The following KCNN2 variants were observed in gnomAD, a reference collection of about 807,000 sequenced individuals.
The protein encoded by KCNN2 is small conductance calcium-activated potassium channel protein 2.
KCNN2 carries 24 observed loss-of-function variants against 55.5 expected under a neutral mutation model. The ratio of observed to expected loss-of-function variants is 0.43; its 90% CI spans 0.31 to 0.61. The LOEUF (loss-of-function observed/expected upper bound fraction) is 0.61, where lower values mean the gene tolerates loss of function less well. Among genes scored for constraint, KCNN2 ranks in the 20% least tolerant of loss-of-function variants. The pLI, the probability that KCNN2 is intolerant of heterozygous loss-of-function variation, is 0.08. For synonymous variants in KCNN2, 431 were observed against 336.1 expected (o/e 1.28, Z -3.09); for missense variants, 754 against 853.6 (o/e 0.88, Z 1.45).
At chr5:114,348,352 G>T (rs1040993265) in intron 2 of KCNN2, among the ~76,000 whole-genome samples, 1 of 151,840 alleles carries the variant, frequency 6.6e-6, no homozygotes, top group Non-Finnish European at 1.5e-5. Context: ...CAGCACACCA[G>T]CATGGCACAT....
chr5:114,343,285 T>G (rs1321965928), intron 2 of KCNN2, among the ~76,000 whole-genome samples: 1 of 152,196 alleles, frequency 6.6e-6, no homozygotes, highest in Non-Finnish European at 1.5e-5. Flanking sequence ...GGTTAAATTA[T>G]GGAAAGATGG....
intron 2 of KCNN2, among the ~76,000 whole-genome samples, chr5:114,226,928 T>C (rs1283116248): frequency 6.6e-6 from 1 of 151,198 alleles, no homozygotes; most frequent in Non-Finnish European, 1.5e-5. Flanking sequence ...AAAAGAAATA[T>C]TGATAGGTCA....
At chr5:114,444,060 C>T (rs1760311599) in intron 3 of KCNN2, among the ~76,000 whole-genome samples, 2 of 152,162 alleles carry the variant, frequency 1.3e-5, no homozygotes, top group South Asian at 4.1e-4. Flanking sequence ...AAGAGGTAGA[C>T]TGGTAAGATG....
chr5:114,473,480 T>C (rs760287356), intron 5 of KCNN2, among the ~76,000 whole-genome samples: 36 of 152,160 alleles, frequency 2.4e-4, no homozygotes, highest in Non-Finnish European at 4.4e-4. Flanking sequence ...ATACTATTAA[T>C]GTAAAATAGT....
At chr5:114,480,630 A>C (rs940273026) in intron 5 of KCNN2, among the ~76,000 whole-genome samples, 7 of 152,188 alleles carry the variant, frequency 4.6e-5, no homozygotes, top group Non-Finnish European at 7.3e-5. Context: ...AAATACTGGC[A>C]AACTAAATTC....
rs551665766 is a variant in KCNN2, at chr5:114,433,360, G to A, written c.1637+28504G>A. On this transcript the variant is annotated intron_variant, in intron 3 of 7. Transcript: ENST00000673685. ...TGGACACTCTGTATCTGTCTAATCT[G>A]GTGGGGACGTGGAGAACCTTTGTGT... 3.8e-3 allele frequency among the ~76,000 whole-genome samples: 572 copies of A among 152,266 alleles called. 3 individuals are homozygous for A. The highest frequency in any genetic ancestry group is 0.013 in the African/African-American group (559 of 41,562).
chr5:114,391,415 C>G (rs337695), intron 2 of KCNN2, among the ~76,000 whole-genome samples: 76,705 of 151,832 alleles, frequency 0.51, 20,517 homozygotes, highest in African/African-American at 0.68. Flanking sequence ...CTGAAGTTTA[C>G]ATAGATTAAA....
intron 3 of KCNN2, among the ~76,000 whole-genome samples, chr5:114,415,329 A>G (rs1037840969): frequency 6.6e-6 from 1 of 152,208 alleles, no homozygotes; most frequent in African/African-American, 2.4e-5. Flanking sequence ...TTAGGTAGCC[A>G]TCTAAGAGTA....
At chr5:114,398,108 G>GTA (rs1758674409) in intron 2 of KCNN2, among the ~76,000 whole-genome samples, 2 of 151,960 alleles carry the variant, frequency 1.3e-5, no homozygotes, top group African/African-American at 4.8e-5. Context: ...TTTCTAGGTC[G>GTA]TATGTCCAGA....
chr5:114,408,726 A>G (rs1759023902), intron 3 of KCNN2, among the ~76,000 whole-genome samples: 1 of 152,198 alleles, frequency 6.6e-6, no homozygotes, highest in African/African-American at 2.4e-5. Flanking sequence ...CTGCTTCCAA[A>G]GGCCAATTAA....
At chr5:114,495,870 C>T (rs1561420974) in intron 7 of KCNN2, 25 bp from the exon 8 acceptor site, 2 of 1,603,452 alleles carry the variant, frequency 1.2e-6, no homozygotes, top group Non-Finnish European at 8.5e-7. Flanking sequence ...GTATAATTAA[C>T]CTTCTTCTCA....
chr5:114,252,732 A>G (rs1754893994), intron 2 of KCNN2, among the ~76,000 whole-genome samples: 1 of 151,364 alleles, frequency 6.6e-6, no homozygotes, highest in South Asian at 2.1e-4. Context: ...GGACAAGCTC[A>G]TTCTGAGAAA....
At chr5:114,112,180 G>A (rs1049409666) in intron 1 of KCNN2, among the ~76,000 whole-genome samples, 1 of 152,126 alleles carries the variant, frequency 6.6e-6, no homozygotes, top group Non-Finnish European at 1.5e-5. Context: ...CCTTTGTAGG[G>A]ACATGGATGA....
intron 2 of KCNN2, among the ~76,000 whole-genome samples, chr5:114,331,348 T>C (rs1756818662): frequency 6.6e-6 from 1 of 152,174 alleles, no homozygotes. Context: ...AAAGTTCTGT[T>C]TTCCCCTCTC....
rs150495473 is a variant in KCNN2, at chr5:114,495,951, C to T, written c.2145C>T (p.Phe715=). 74 of 1,613,846 alleles carry T rather than the reference C, an allele frequency of 4.6e-5. No homozygotes were observed. The highest frequency in any genetic ancestry group is 1.5e-4 in the Admixed American group (9 of 59,994). The change falls in exon 8 of 8, where the codon TTC becomes TTT. Residue 715 remains phenylalanine, a synonymous_variant. Coordinates refer to ENST00000673685, the MANE Select transcript of KCNN2 (RefSeq NM_021614.4). The stretch of plus-strand genomic sequence containing the variant: ...ACTTAAACGAAAGGAGTGAAGACTT[C>T]GAGAAGAGGATTGTTACCCTGGAAA... ...ISDLNERSED[F]EKRIVTLETK...
chr5:114,182,451 A>T (rs541193158), intron 1 of KCNN2, among the ~76,000 whole-genome samples: 31 of 152,194 alleles, frequency 2.0e-4, no homozygotes, highest in African/African-American at 7.5e-4. Flanking sequence ...GATTTCATTG[A>T]CTTCATAGAG....
chr5:114,308,635 T>C (rs2150025173), intron 2 of KCNN2, among the ~76,000 whole-genome samples: 1 of 152,284 alleles, frequency 6.6e-6, no homozygotes, highest in South Asian at 2.1e-4. Context: ...TGTGTGAAGC[T>C]GGCCAAAGCC....
intron 1 of KCNN2, among the ~76,000 whole-genome samples, chr5:114,149,977 T>A (rs988143709): frequency 1.1e-4 from 16 of 152,062 alleles, no homozygotes; most frequent in African/African-American, 3.6e-4. Flanking sequence ...TCCACAAGGG[T>A]CGCATTCCAT....
At chr5:114,490,615 G>T (rs1747799958) in intron 6 of KCNN2, 1 of 397,582 alleles carries the variant, frequency 2.5e-6, no homozygotes, top group Middle Eastern at 6.3e-4. Context: ...ACACCACATT[G>T]TGTTATTTTG....
Sources: gnomAD v4.1 joint callset for allele counts (sites outside exome capture counted in the v4.1 genomes callset) on GRCh38, gnomAD v4.1.1 for gene constraint, MANE v1.5 for transcripts, NCBI Gene and HGNC (gene_info 2026-07-23, HGNC 2026-07-21) for gene names.